The following TM9SF4 variants were observed in gnomAD, a reference collection of about 807,000 sequenced individuals.
TM9SF4 encodes the protein transmembrane 9 superfamily member 4.
In TM9SF4, 26 loss-of-function variants were observed where a neutral mutation model predicts 90.4. That is an observed-to-expected ratio of 0.29 (90% confidence interval 0.21 to 0.40). TM9SF4 has a LOEUF of 0.40. Ranked by LOEUF, TM9SF4 falls within the 10% of genes least tolerant of loss-of-function variation. The probability of loss-of-function intolerance (pLI) is 1.00; values close to 1 mark genes in which losing one functional copy is unlikely to be tolerated. For synonymous variants in TM9SF4, 293 were observed against 315.4 expected (o/e 0.93, Z 0.75); for missense variants, 549 against 834.8 (o/e 0.66, Z 4.22).
intron 1 of TM9SF4, among the ~76,000 whole-genome samples, chr20:32,127,811 A>G (rs1416844730): frequency 6.6e-6 from 1 of 152,194 alleles, no homozygotes; most frequent in Non-Finnish European, 1.5e-5. Flanking sequence ...TTTCAAAAGA[A>G]GGTAGAACTG....
intron 1 of TM9SF4, among the ~76,000 whole-genome samples, chr20:32,123,207 GGGGAGGGGGGAGGGGGAGAGGGAGA>G (rs2046359228): frequency 7.4e-5 from 1 of 13,488 alleles, no homozygotes; most frequent in Non-Finnish European, 1.8e-4. Context: ...GAGGGGGGAG[GGGGAGGGGGGAGGGGGAGAGGGAGA>G]GGGAGAGGCT....
intron 17 of TM9SF4, among the ~76,000 whole-genome samples, chr20:32,163,268 A>AAAAAAAAATATATATATAT (rs1555886757): frequency 1.3e-5 from 1 of 74,498 alleles, no homozygotes. Flanking sequence ...AAAAAAAAAA[A>AAAAAAAAATATATATATAT]ATATATATAT....
At chr20:32,119,212 A>C (rs2046271274) in intron 1 of TM9SF4, among the ~76,000 whole-genome samples, 2 of 151,960 alleles carry the variant, frequency 1.3e-5, no homozygotes, top group Non-Finnish European at 2.9e-5. Context: ...TAATGTCAGC[A>C]CTTTGGGAAG....
Position 32,141,912 on chromosome 20 carries a change from G to C in TM9SF4, c.528+17G>C, listed in dbSNP as rs112417845. 3 of 1,613,694 alleles carry C rather than the reference G, an allele frequency of 1.9e-6. No individual in the cohort carries two copies. Among genetic ancestry groups the C allele is most frequent in the African/African-American group, 2.7e-5 (2 of 74,892 alleles). On this transcript the variant is annotated intron_variant, in intron 5 of 17. Transcript: ENST00000398022. Reference sequence around the variant, plus strand: ...GTCAACAAGGTAGAGTGTCTTTGGCGTGCTCACAGGACCGGGAGCCACACC... The same window carrying C: ...GTCAACAAGGTAGAGTGTCTTTGGCCTGCTCACAGGACCGGGAGCCACACC...
chr20:32,154,613 C>T (rs1046880005), intron 12 of TM9SF4, among the ~76,000 whole-genome samples: 2 of 152,080 alleles, frequency 1.3e-5, no homozygotes, highest in Non-Finnish European at 1.5e-5. Flanking sequence ...GCCACCACAC[C>T]GGCTATTTTT....
In TM9SF4 at chr20:32,157,988, G is replaced by A. The variant is rs749719613; in HGVS notation, c.1505+19G>A. 1.9e-6 allele frequency: 3 copies of A among 1,613,436 alleles called. No individual in the cohort carries two copies. In the African/African-American group the frequency reaches 4.0e-5, roughly 22 times the overall value. ...TTGTGGGGTGAGTCCTCCAGCAGAG[G>A]CAAGAGCAGGGGAACGTGGAAGAGG... On this transcript the variant is annotated intron_variant, in intron 14 of 17. Coordinates refer to ENST00000398022, the MANE Select transcript of TM9SF4 (RefSeq NM_014742.4).
rs1473856170 is a variant in TM9SF4 at position 32,155,110 on chromosome 20, C to T, written c.1253C>T (p.Thr418Ile). The T allele has an allele frequency of 3.1e-6, 5 of 1,614,020 alleles. No individual in the cohort carries two copies. The highest frequency in any genetic ancestry group is 4.2e-6 in the Non-Finnish European group (5 of 1,180,008). The change falls in exon 13 of 18, where the codon ACT (threonine) becomes ATT (isoleucine). Residue 418 changes from threonine (T) to isoleucine (I), a missense_variant. Physicochemically the swap from Thr to Ile is moderately conservative, Grantham distance 89. Transcript: ENST00000398022. ...CGGCCCCTCTTGCTCCAGACGGCAA[C>T]TCTGTACCCTGGTGTGGTTTTTGGC... ...RWKKGAFCTATLYPGVVFGIC... is the reference protein window; with the variant it reads ...RWKKGAFCTAILYPGVVFGIC...
intron 1 of TM9SF4, among the ~76,000 whole-genome samples, chr20:32,132,550 T>C (rs938563014): frequency 2.7e-5 from 4 of 150,620 alleles, no homozygotes; most frequent in Non-Finnish European, 4.4e-5. Context: ...AGGAGGAGAG[T>C]GGGAGGTGAG....
Position 32,150,664 on chromosome 20 carries a change from C to T in TM9SF4, c.1130C>T (p.Ala377Val), listed in dbSNP as rs2046828783. The T allele has an allele frequency of 6.2e-7, 1 of 1,614,254 alleles. No homozygotes were observed. The highest frequency in any genetic ancestry group is 8.5e-7 in the Non-Finnish European group (1 of 1,180,036). The change falls in exon 11 of 18, where the codon GCT becomes GTT. Residue 377 changes from alanine (A) to valine (V), a missense_variant. Physicochemically the swap from Ala to Val is moderately conservative, Grantham distance 64 (BLOSUM62 0). Transcript: ENST00000398022. ...ATGCTGTCGCCCTCCAGCCGGGGAGCTCTCATGACCACAGCCTGCTTCCTC... is the reference window on the plus strand; with the variant it reads ...ATGCTGTCGCCCTCCAGCCGGGGAGTTCTCATGACCACAGCCTGCTTCCTC... Reference protein sequence around the residue: ...LGMLSPSSRGALMTTACFLFM... With the variant: ...LGMLSPSSRGVLMTTACFLFM...
chr20:32,155,645 C>T (rs1376593356), intron 13 of TM9SF4, among the ~76,000 whole-genome samples: 1 of 152,240 alleles, frequency 6.6e-6, no homozygotes, highest in African/African-American at 2.4e-5. Flanking sequence ...CTGCCAGCCC[C>T]AGTCCAGTGT....
At chr20:32,117,044 C>T (rs546588526) in intron 1 of TM9SF4, among the ~76,000 whole-genome samples, 123 of 150,366 alleles carry the variant, frequency 8.2e-4, no homozygotes, top group Middle Eastern at 3.4e-3. Context: ...GCCAACATGG[C>T]GAAACCCTGT....
intron 9 of TM9SF4, among the ~76,000 whole-genome samples, chr20:32,148,675 T>TC (rs1166673051): frequency 6.7e-6 from 1 of 150,310 alleles, no homozygotes; most frequent in East Asian, 1.9e-4. Context: ...TTTTTTTTTT[T>TC]TTTTTTTTTT....
chr20:32,148,715 G>A lies in TM9SF4; in HGVS notation c.955-919G>A, dbSNP rs576178853. Among the ~76,000 whole-genome samples, 84 of 143,354 alleles carry A rather than the reference G, an allele frequency of 5.9e-4. 1 individual carries two copies. Among genetic ancestry groups the A allele is most frequent in the Admixed American group, 1.2e-3 (16 of 13,792 alleles). The allele number at this position is 143,354 out of a possible 152,430, so 94.0% of individuals were successfully genotyped here. A position where few individuals can be genotyped will look rare whatever the true frequency, so the allele number is the denominator to read the frequency against. On this transcript the variant is annotated intron_variant, in intron 9 of 17. Transcript: ENST00000398022. ...AGACGGAGTCTTGCTCTGTTGCCCA[G>A]GCTGGAGTGCAGTGACACAATCTTG...
chr20:32,130,896 TATGGTTATGCAGG>T (rs1468636102), intron 1 of TM9SF4, among the ~76,000 whole-genome samples: 2 of 152,216 alleles, frequency 1.3e-5, no homozygotes, highest in Non-Finnish European at 2.9e-5. Context: ...CTTACTCGCT[TATGGTTATGCAGG>T]ATGTTAGCAT....
chr20:32,150,509 A>C (rs901484376), intron 10 of TM9SF4, 113 bp from the exon 11 acceptor site: 1 of 1,238,832 alleles, frequency 8.1e-7, no homozygotes, highest in Non-Finnish European at 1.2e-6. Context: ...TCATCTGCCC[A>C]GAGTCCTCCT....
At chr20:32,126,068 A>C (rs200196375) in intron 1 of TM9SF4, among the ~76,000 whole-genome samples, 1 of 138,592 alleles carries the variant, frequency 7.2e-6, no homozygotes, top group African/African-American at 2.9e-5. Context: ...CTTTCCCGTA[A>C]ACACACACAC....
At chr20:32,118,950 G>T (rs1569044012) in intron 1 of TM9SF4, among the ~76,000 whole-genome samples, 2 of 152,092 alleles carry the variant, frequency 1.3e-5, no homozygotes, top group African/African-American at 2.4e-5. Context: ...TTTAATAAGG[G>T]TGATCCATGT....
chr20:32,136,215 G>A lies in TM9SF4; in HGVS notation c.229+42G>A, dbSNP rs750939978. The A allele has an allele frequency of 2.5e-6, 4 of 1,572,956 alleles. No homozygotes were observed. In the African/African-American group the frequency reaches 4.1e-5, roughly 16 times the overall value. On this transcript the variant is annotated intron_variant, in intron 3 of 17. Coordinates refer to ENST00000398022, the MANE Select transcript of TM9SF4 (RefSeq NM_014742.4). ...CACTGCTGTCAACTTGTCCCCAGGG[G>A]GAACCCAGCATGATTTTTATAATGA...
chr20:32,132,123 A>G (rs936061123), intron 1 of TM9SF4, among the ~76,000 whole-genome samples: 5 of 152,108 alleles, frequency 3.3e-5, no homozygotes, highest in Admixed American at 3.3e-4. Context: ...GAGATGTGCC[A>G]TTGGGCGTGG....
Sources: allele counts gnomAD v4.1 joint callset (sites outside exome capture counted in the v4.1 genomes callset), GRCh38; gene constraint gnomAD v4.1.1; transcripts MANE v1.5; gene names NCBI Gene and HGNC (gene_info 2026-07-23, HGNC 2026-07-21).